PCDHGB6: variants seen among roughly 807,000 people sequenced by gnomAD.
PCDHGB6 encodes protocadherin gamma-B6.
In PCDHGB6, 51 loss-of-function variants were observed where a neutral mutation model predicts 59.1. The ratio of observed to expected loss-of-function variants is 0.86; its 90% CI spans 0.69 to 1.09. The LOEUF is 1.09. PCDHGB6 is among the 50% of genes least tolerant of loss of function. The pLI is 0.00. For missense variants in PCDHGB6, 1,148 were observed against 1,205.1 expected (o/e 0.95, Z 0.70); for synonymous variants, 466 against 495.1 (o/e 0.94, Z 0.78).
intron 1 of PCDHGB6, among the ~76,000 whole-genome samples, chr5:141,453,216 C>T (rs565229516): frequency 8.5e-5 from 13 of 152,080 alleles, no homozygotes; most frequent in Non-Finnish European, 1.0e-4. Context: ...TGCACTTAAG[C>T]GATCCTCCCA....
Position 141,432,057 on chromosome 5 carries a change from C to G in PCDHGB6, c.2418+21437C>G. On this transcript the variant is annotated intron_variant, in intron 1 of 3. Coordinates refer to ENST00000520790, the MANE Select transcript of PCDHGB6 (RefSeq NM_018926.3). This position sits in a 1 kb window ranked among gnomAD's most constrained non-coding sequence, Gnocchi z 6.0. The stretch of plus-strand genomic sequence containing the variant: ...ACTGACCGGGGAACCCCGCCCCTAT[C>G]CACGGAAACTCATATCTCGCTGAAC... 1 of 1,614,220 alleles carries G rather than the reference C, an allele frequency of 6.2e-7. No homozygotes were observed. The highest frequency in any genetic ancestry group is 8.5e-7 in the Non-Finnish European group (1 of 1,180,042).
Position 141,421,845 on chromosome 5 carries a change from G to C in PCDHGB6, c.2418+11225G>C, listed in dbSNP as rs369443134. On this transcript the variant is annotated intron_variant, in intron 1 of 3. Transcript: ENST00000520790. ...AGGGAAGCCTGGACCGAGAGAAAGA[G>C]GCTGCTCACCTGCTCCTCCTCACAG... The C allele has an allele frequency of 1.1e-5, 18 of 1,613,638 alleles. No homozygotes were observed. The African/African-American group carries it at 2.1e-4, about 19-fold the overall frequency.
At chr5:141,419,313 G>T in intron 1 of PCDHGB6, 1 of 1,613,974 alleles carries the variant, frequency 6.2e-7, no homozygotes, top group Non-Finnish European at 8.5e-7. Context: ...GGGCTCAACG[G>T]CCGTGTCTCC....
At chr5:141,496,021 G>A (rs1011612662) in intron 2 of PCDHGB6, among the ~76,000 whole-genome samples, 1 of 151,336 alleles carries the variant, frequency 6.6e-6, no homozygotes, top group Admixed American at 6.6e-5. Context: ...TTTTCTCTGA[G>A]CCTCTGTCTC....
At chr5:141,419,452 G>T (rs1590172506) in intron 1 of PCDHGB6, 1 of 1,612,754 alleles carries the variant, frequency 6.2e-7, no homozygotes, top group Non-Finnish European at 8.5e-7. Flanking sequence ...TCGAGCTCAC[G>T]CTGCAGGCCC....
chr5:141,427,855 G>T (rs2097079766), intron 1 of PCDHGB6: 1 of 1,553,826 alleles, frequency 6.4e-7, no homozygotes, highest in Non-Finnish European at 8.8e-7. Flanking sequence ...GAGCAGCTGT[G>T]CGCCTTCGAG....
rs1467125550 is a variant in PCDHGB6 at position 141,511,799 on chromosome 5, T to G, written c.*626T>G. 6.4e-6 allele frequency: 1 copy of G among 157,228 alleles called. No homozygotes were observed. The highest frequency in any genetic ancestry group is 1.4e-5 in the Non-Finnish European group (1 of 70,874). 9.7% of individuals were successfully genotyped at this position (157,228 alleles called of 1,614,324 possible). ...TGCTTGCTGGATTTAGGGAGGGCAT[T>G]TTGCTACCAAGCCTCTTCCCAACGC... On this transcript the variant is annotated 3_prime_UTR_variant, in exon 4 of 4. Coordinates refer to ENST00000520790, the MANE Select transcript of PCDHGB6 (RefSeq NM_018926.3).
At chr5:141,462,157 A>C (rs1232551906) in intron 1 of PCDHGB6, among the ~76,000 whole-genome samples, 1 of 151,394 alleles carries the variant, frequency 6.6e-6, no homozygotes, top group African/African-American at 2.4e-5. Flanking sequence ...ATGGGGTTTC[A>C]TCATGTTGGC....
Position 141,487,424 on chromosome 5 carries a change from C to T in PCDHGB6, c.2419-7383C>T, listed in dbSNP as rs759893122. 5 of 1,613,982 alleles carry T rather than the reference C, an allele frequency of 3.1e-6. No individual in the cohort carries two copies. The highest frequency in any genetic ancestry group is 1.7e-5 in the Admixed American group (1 of 60,000). On this transcript the variant is annotated intron_variant, in intron 1 of 3. Transcript: ENST00000520790. The surrounding 1 kb of genome is among the most constrained non-coding windows in gnomAD (Gnocchi z 5.0). ...GCTTCCCCCTTCCAATGGGATCCTC[C>T]GAATCCAGCTAGGGTCAGATGACCC...
At chr5:141,458,632 C>T (rs779075931) in intron 1 of PCDHGB6, among the ~76,000 whole-genome samples, 1 of 151,898 alleles carries the variant, frequency 6.6e-6, no homozygotes, top group Non-Finnish European at 1.5e-5. Context: ...TGCAGTGGCA[C>T]AATCCCAGCT....
chr5:141,423,864 G>T, intron 1 of PCDHGB6: 4 of 1,284,224 alleles, frequency 3.1e-6, no homozygotes, highest in Non-Finnish European at 3.9e-6. Flanking sequence ...TTTTGTGAAA[G>T]TCATTTTTCA....
chr5:141,419,589 C>T (rs1187251820), intron 1 of PCDHGB6: 1 of 1,611,856 alleles, frequency 6.2e-7, no homozygotes, highest in Non-Finnish European at 8.5e-7. Flanking sequence ...CTCTTCGACA[C>T]AGTGCCGCGG....
At chr5:141,441,747 G>A in intron 1 of PCDHGB6, 2 of 372,470 alleles carry the variant, frequency 5.4e-6, no homozygotes, top group Non-Finnish European at 5.4e-6. Flanking sequence ...CGCGCTCGGC[G>A]TCAACGTGAG....
intron 1 of PCDHGB6, chr5:141,422,201 G>T (rs764621323): frequency 1.9e-6 from 3 of 1,562,386 alleles, no homozygotes; most frequent in Admixed American, 2.0e-5. Flanking sequence ...GGCCAAGATG[G>T]TGGAGGTCTC....
chr5:141,450,846 A>C (rs2098698903), intron 1 of PCDHGB6, among the ~76,000 whole-genome samples: 1 of 115,730 alleles, frequency 8.6e-6, no homozygotes. Context: ...TTTTTTTGAG[A>C]TGGGGTCTTG....
intron 1 of PCDHGB6, chr5:141,413,201 A>G (rs746209535): frequency 1.9e-6 from 3 of 1,611,954 alleles, no homozygotes; most frequent in Non-Finnish European, 2.5e-6. Context: ...AATCGCTCAA[A>G]GGAATCAAAG....
rs760070878 is a variant in PCDHGB6, at chr5:141,490,862, C to T, written c.2419-3945C>T. On this transcript the variant is annotated intron_variant, in intron 1 of 3. Coordinates refer to ENST00000520790, the MANE Select transcript of PCDHGB6 (RefSeq NM_018926.3). This position sits in a 1 kb window ranked among gnomAD's most constrained non-coding sequence, Gnocchi z 5.4. ...GTGGTGGGGGTTCGAGACTCCGGCTCTCCCCCATTGCATGCCAACACATCT... is the reference window on the plus strand; with the variant it reads ...GTGGTGGGGGTTCGAGACTCCGGCTTTCCCCCATTGCATGCCAACACATCT... 2.0e-5 allele frequency: 33 copies of T among 1,613,878 alleles called. No individual in the cohort carries two copies. Among genetic ancestry groups the T allele is most frequent in the Non-Finnish European group, 2.8e-5 (33 of 1,179,920 alleles).
Position 141,409,789 on chromosome 5 carries a change from G to C in PCDHGB6, c.1587G>C (p.Ala529=), listed in dbSNP as rs1390138666. 2 of 1,611,918 alleles carry C rather than the reference G, an allele frequency of 1.2e-6. No individual in the cohort carries two copies. The highest frequency in any genetic ancestry group is 2.7e-5 in the African/African-American group (2 of 74,914). The change falls in exon 1 of 4, where the codon GCG becomes GCC. Residue 529 remains alanine, a synonymous_variant. Transcript: ENST00000520790. The part of the protein sequence containing the change: ...AFDHEQLRAF[A]LTLQARDHGS... Reference sequence around the variant, plus strand: ...ATCACGAGCAGCTGCGCGCCTTCGCGCTCACGCTGCAGGCCCGCGACCACG... The same window carrying C: ...ATCACGAGCAGCTGCGCGCCTTCGCCCTCACGCTGCAGGCCCGCGACCACG...
At chr5:141,417,626 T>A (rs1156653216) in intron 1 of PCDHGB6, 3 of 689,458 alleles carry the variant, frequency 4.4e-6, no homozygotes, top group Non-Finnish European at 6.8e-6. Context: ...GAGCAAGCGC[T>A]GACGCCGGGG....
Sources: gnomAD v4.1 joint callset for allele counts (sites outside exome capture counted in the v4.1 genomes callset) on GRCh38, gnomAD v4.1.1 for gene constraint, Gnocchi (gnomAD v3.1) non-coding constraint, MANE v1.5 for transcripts, NCBI Gene and HGNC (gene_info 2026-07-23, HGNC 2026-07-21) for gene names.